GRIK2: variants seen among roughly 807,000 people sequenced by gnomAD.
GRIK2 encodes glutamate ionotropic receptor kainate type subunit 2, also known as glutamate receptor ionotropic, kainate 2.
GRIK2 carries 32 observed loss-of-function variants against 100.3 expected under a neutral mutation model. That is an observed-to-expected ratio of 0.32 (90% CI 0.24 to 0.43). The LOEUF is 0.43. Ranked by LOEUF, GRIK2 falls within the 20% of genes least tolerant of loss-of-function variation. The pLI is 1.00. For synonymous variants in GRIK2, 417 were observed against 389.4 expected (o/e 1.07, Z -0.83); for missense variants, 843 against 1,114.9 (o/e 0.76, Z 3.47).
chr6:102,026,974 A>AGGG (rs1769738112), intron 14 of GRIK2, among the ~76,000 whole-genome samples: 1 of 151,288 alleles, frequency 6.6e-6, no homozygotes, highest in Non-Finnish European at 1.5e-5. Context: ...GATAGGGCTC[A>AGGG]GCTGTTCTTA....
At chr6:101,509,170 A>AAT (rs1324882816) in intron 2 of GRIK2, among the ~76,000 whole-genome samples, 1 of 151,686 alleles carries the variant, frequency 6.6e-6, no homozygotes, top group Non-Finnish European at 1.5e-5. Context: ...AAAAAAAAAA[A>AAT]AAAAAAATGG....
intron 2 of GRIK2, among the ~76,000 whole-genome samples, chr6:101,416,865 G>A (rs1190073512): frequency 6.6e-6 from 1 of 152,146 alleles, no homozygotes; most frequent in Non-Finnish European, 1.5e-5. Flanking sequence ...TAGCTCTTGG[G>A]CTCTATATTT....
chr6:101,842,779 A>G (rs1202879423), intron 10 of GRIK2, among the ~76,000 whole-genome samples: 1 of 152,170 alleles, frequency 6.6e-6, no homozygotes, highest in African/African-American at 2.4e-5. Flanking sequence ...ATATTCAGTG[A>G]CATTGAAGGA....
intron 2 of GRIK2, among the ~76,000 whole-genome samples, chr6:101,619,769 C>T (rs1780059156): frequency 6.6e-6 from 1 of 152,010 alleles, no homozygotes; most frequent in Non-Finnish European, 1.5e-5. Context: ...CATCTTATCT[C>T]ACATTTTAGG....
chr6:101,837,161 A>C (rs919876689), intron 10 of GRIK2, among the ~76,000 whole-genome samples: 1 of 152,172 alleles, frequency 6.6e-6, no homozygotes, highest in African/African-American at 2.4e-5. Flanking sequence ...CCATGTAAAC[A>C]ATAGATAGAT....
At chr6:101,709,332 A>G (rs1773549705) in intron 7 of GRIK2, among the ~76,000 whole-genome samples, 1 of 151,786 alleles carries the variant, frequency 6.6e-6, no homozygotes, top group Non-Finnish European at 1.5e-5. Context: ...AAGCCATCCT[A>G]GTTTGTAGTA....
chr6:102,006,779 G>A (rs974692600), intron 14 of GRIK2, among the ~76,000 whole-genome samples: 1 of 151,766 alleles, frequency 6.6e-6, no homozygotes, highest in Non-Finnish European at 1.5e-5. Context: ...GAGATCAAAT[G>A]AATTATATAT....
chr6:101,496,389 A>T (rs1421560408), intron 2 of GRIK2, among the ~76,000 whole-genome samples: 1 of 152,236 alleles, frequency 6.6e-6, no homozygotes, highest in East Asian at 1.9e-4. Context: ...TGTAACTGCC[A>T]TTAGTAATAA....
At chr6:101,585,283 G>A (rs535874709) in intron 2 of GRIK2, among the ~76,000 whole-genome samples, 1 of 152,154 alleles carries the variant, frequency 6.6e-6, no homozygotes, top group East Asian at 1.9e-4. Context: ...ATATTAAAAT[G>A]TCTGAAATTG....
intron 2 of GRIK2, among the ~76,000 whole-genome samples, chr6:101,434,684 T>A (rs2128244192): frequency 6.6e-6 from 1 of 152,160 alleles, no homozygotes; most frequent in Middle Eastern, 3.4e-3. Flanking sequence ...TTTTACACAT[T>A]AGGGGGATTT....
intron 2 of GRIK2, among the ~76,000 whole-genome samples, chr6:101,507,968 C>T (rs772237781): frequency 1.7e-4 from 26 of 151,998 alleles, no homozygotes; most frequent in Non-Finnish European, 2.8e-4. Flanking sequence ...AAGTAGAAGA[C>T]AATAATTTTC....
chr6:101,593,737 T>C (rs2128307565), intron 2 of GRIK2, among the ~76,000 whole-genome samples: 1 of 151,990 alleles, frequency 6.6e-6, no homozygotes, highest in Non-Finnish European at 1.5e-5. Flanking sequence ...AAAGTTGACT[T>C]TTTCATTTTT....
At chr6:101,455,717 C>T (rs1467028755) in intron 2 of GRIK2, among the ~76,000 whole-genome samples, 1 of 151,978 alleles carries the variant, frequency 6.6e-6, no homozygotes, top group African/African-American at 2.4e-5. Flanking sequence ...TGGGAAACAT[C>T]ATATGAACAT....
intron 10 of GRIK2, among the ~76,000 whole-genome samples, chr6:101,852,770 C>T (rs1056836696): frequency 4.6e-5 from 7 of 152,100 alleles, no homozygotes; most frequent in Non-Finnish European, 1.0e-4. Context: ...AGCTGTTTCA[C>T]CACAGGGCTT....
chr6:101,407,492 T>G (rs556076901), intron 2 of GRIK2, among the ~76,000 whole-genome samples: 1 of 152,276 alleles, frequency 6.6e-6, no homozygotes, highest in South Asian at 2.1e-4. Context: ...GTGCTTTGAA[T>G]CCATTTTAGA....
rs118111526 is a variant in GRIK2 at position 102,019,951 on chromosome 6, A to G, written c.2086-15390A>G. Among the ~76,000 whole-genome samples the G allele has an allele frequency of 5.7e-3, 874 of 152,124 alleles. 3 individuals carry two copies. Among genetic ancestry groups the G allele is most frequent in the Non-Finnish European group, 9.5e-3 (645 of 67,940 alleles). ...TGTCAAATTTATCATCATATTACCCATACAGTTGCTAAAAACATTTCAGAC... is the reference window on the plus strand; with the variant it reads ...TGTCAAATTTATCATCATATTACCCGTACAGTTGCTAAAAACATTTCAGAC... On this transcript the variant is annotated intron_variant, in intron 14 of 16. Coordinates refer to ENST00000369134, the MANE Select transcript of GRIK2 (RefSeq NM_021956.5).
intron 2 of GRIK2, among the ~76,000 whole-genome samples, chr6:101,492,093 A>G (rs1773155638): frequency 1.3e-5 from 2 of 151,964 alleles, no homozygotes; most frequent in African/African-American, 4.8e-5. Flanking sequence ...TTTCCTTGTA[A>G]ATAAATGTAC....
chr6:101,766,436 A>C (rs917382075), intron 7 of GRIK2, among the ~76,000 whole-genome samples: 1 of 152,186 alleles, frequency 6.6e-6, no homozygotes, highest in African/African-American at 2.4e-5. Flanking sequence ...GTAATGTTTG[A>C]TATAAATGAG....
chr6:101,874,171 T>C (rs868303451), intron 11 of GRIK2, among the ~76,000 whole-genome samples: 11 of 152,092 alleles, frequency 7.2e-5, no homozygotes, highest in South Asian at 4.1e-4. Flanking sequence ...AGTCCTTGCC[T>C]ATGCCTATGT....
Sources: gnomAD v4.1 joint callset for allele counts (sites outside exome capture counted in the v4.1 genomes callset) on GRCh38, gnomAD v4.1.1 for gene constraint, MANE v1.5 for transcripts, NCBI Gene and HGNC (gene_info 2026-07-23, HGNC 2026-07-21) for gene names.